GMFB: variants seen among roughly 807,000 people sequenced by gnomAD.
The protein encoded by GMFB is glia maturation factor beta.
Under a neutral mutation model 25.6 loss-of-function variants are expected in GMFB, and 13 were observed. That is an observed-to-expected ratio of 0.51 (90% CI 0.33 to 0.81). The LOEUF (loss-of-function observed/expected upper bound fraction) is 0.81, where lower values mean the gene tolerates loss of function less well. Ranked by LOEUF, GMFB falls within the 30% of genes least tolerant of loss-of-function variation. The pLI is 0.02. For missense variants in GMFB, 146 were observed against 175.4 expected (o/e 0.83, Z 0.95); for synonymous variants, 57 against 56.9 (o/e 1.00, Z 0.00).
rs1157260716 is a variant in GMFB at position 54,474,785 on chromosome 14, A to G, written c.*3303T>C. 6.6e-6 allele frequency: 1 copy of G among 152,624 alleles called. No homozygotes were observed. Among genetic ancestry groups the G allele is most frequent in the Non-Finnish European group, 1.5e-5 (1 of 68,012 alleles). 9.5% of individuals were successfully genotyped at this position (152,624 alleles called of 1,614,324 possible). A position where few individuals can be genotyped will look rare whatever the true frequency, so the allele number is the denominator to read the frequency against. On this transcript the variant is annotated 3_prime_UTR_variant, in exon 7 of 7. Coordinates refer to ENST00000358056, the MANE Select transcript of GMFB (RefSeq NM_004124.3). Reference sequence around the variant, plus strand: ...ATTATATTTATATGAATTATAATCCAAAAAGCAATAAAATACAATTTCTAT... The same window carrying G: ...ATTATATTTATATGAATTATAATCCGAAAAGCAATAAAATACAATTTCTAT...
Position 54,475,124 on chromosome 14 carries a change from C to T in GMFB, c.*2964G>A, listed in dbSNP as rs751084801. 1 of 152,564 alleles carries T rather than the reference C, an allele frequency of 6.6e-6. No homozygotes were observed. The highest frequency in any genetic ancestry group is 6.5e-5 in the Admixed American group (1 of 15,274). 9.5% of individuals were successfully genotyped at this position (152,564 alleles called of 1,614,324 possible). ...CTTCCACCAAATATCAGCATTTAAA[C>T]TCTTATGAAAATATCTATTCATCAC... On this transcript the variant is annotated 3_prime_UTR_variant, in exon 7 of 7. Coordinates refer to ENST00000358056, the MANE Select transcript of GMFB (RefSeq NM_004124.3).
chr14:54,476,797 G>C lies in GMFB; in HGVS notation c.*1291C>G, dbSNP rs1167886678. The C allele has an allele frequency of 6.6e-6, 1 of 151,976 alleles. No individual in the cohort carries two copies. The highest frequency in any genetic ancestry group is 1.5e-5 in the Non-Finnish European group (1 of 67,896). 9.4% of individuals were successfully genotyped at this position (151,976 alleles called of 1,614,324 possible). ...CTTAATATAAGAATACACTCACCAAGTTTGGTTAGTTTTTAGAGTCTCTAG... is the reference window on the plus strand; with the variant it reads ...CTTAATATAAGAATACACTCACCAACTTTGGTTAGTTTTTAGAGTCTCTAG... On this transcript the variant is annotated 3_prime_UTR_variant, in exon 7 of 7. Transcript: ENST00000358056.
chr14:54,480,040 G>A, intron 5 of GMFB, 181 bp from the exon 6 acceptor site: 1 of 485,578 alleles, frequency 2.1e-6, no homozygotes, highest in Non-Finnish European at 3.7e-6. Flanking sequence ...AGACAGTTAA[G>A]TTATAAATAA....
chr14:54,483,858 C>G, intron 1 of GMFB, 91 bp from the exon 2 acceptor site: 1 of 758,526 alleles, frequency 1.3e-6, no homozygotes, highest in African/African-American at 1.7e-5. Context: ...ATAATGCATA[C>G]TGACATTCAC....
intron 5 of GMFB, chr14:54,480,140 T>G (rs190172573): frequency 2.2e-4 from 63 of 291,614 alleles, no homozygotes; most frequent in African/African-American, 1.3e-3. Context: ...TTAAAAACTT[T>G]CTGCACTATC....
At chr14:54,482,253 T>C in intron 2 of GMFB, 51 bp from the exon 3 acceptor site, 1 of 1,166,574 alleles carries the variant, frequency 8.6e-7, no homozygotes, top group Non-Finnish European at 1.3e-6. Flanking sequence ...GTGACCCTGA[T>C]CTGCCCAACC....
chr14:54,484,055 T>C (rs1237418980), intron 1 of GMFB: 2 of 486,848 alleles, frequency 4.1e-6, no homozygotes, highest in African/African-American at 3.9e-5. Flanking sequence ...TGCAATGTCA[T>C]CAGAACTGGA....
rs556517199 is a variant in GMFB at position 54,474,626 on chromosome 14, G to A, written c.*3462C>T. ...GTGTCAGTTGTTGGTTTTGTTAAACGATGACAGAGAACTGTTAAAATTCAC... is the reference window on the plus strand; with the variant it reads ...GTGTCAGTTGTTGGTTTTGTTAAACAATGACAGAGAACTGTTAAAATTCAC... On this transcript the variant is annotated 3_prime_UTR_variant, in exon 7 of 7. Transcript: ENST00000358056. 1.3e-5 allele frequency: 2 copies of A among 152,740 alleles called. No homozygotes were observed. Among genetic ancestry groups the A allele is most frequent in the South Asian group, 2.1e-4 (1 of 4,826 alleles). The allele number at this position is 152,740 out of a possible 1,614,324, so 9.5% of individuals were successfully genotyped here. A position where few individuals can be genotyped will look rare whatever the true frequency, so the allele number is the denominator to read the frequency against.
At chr14:54,484,133 T>C (rs1269881774) in intron 1 of GMFB, 4 of 313,800 alleles carry the variant, frequency 1.3e-5, no homozygotes, top group African/African-American at 2.2e-5. Context: ...TCAAGCATAC[T>C]ATTTTTACAC....
At chr14:54,482,659 CATT>C (rs1487784951) in intron 2 of GMFB, among the ~76,000 whole-genome samples, 1 of 152,170 alleles carries the variant, frequency 6.6e-6, no homozygotes, top group Non-Finnish European at 1.5e-5. Context: ...GGCACGGTAT[CATT>C]ATTCTAAGAA....
intron 6 of GMFB, 81 bp downstream of exon 6, chr14:54,479,705 C>A: frequency 2.6e-6 from 2 of 779,010 alleles, no homozygotes; most frequent in Non-Finnish European, 4.4e-6. Flanking sequence ...ATAAAAAATA[C>A]TCCTTTAGAC....
intron 1 of GMFB, chr14:54,488,534 C>T: frequency 4.7e-6 from 1 of 211,062 alleles, no homozygotes. Context: ...TGGAACCTGG[C>T]CACGGCCCTG....
intron 1 of GMFB, among the ~76,000 whole-genome samples, chr14:54,485,472 G>C (rs1441955258): frequency 2.0e-5 from 3 of 152,058 alleles, no homozygotes; most frequent in Admixed American, 6.6e-5. Context: ...AGAAGTGACA[G>C]ATCTCTACAA....
chr14:54,484,634 A>G (rs2031759061), intron 1 of GMFB, among the ~76,000 whole-genome samples: 1 of 152,164 alleles, frequency 6.6e-6, no homozygotes, highest in African/African-American at 2.4e-5. Context: ...TTCTACTCAA[A>G]CTATTCAAAA....
At chr14:54,482,094 A>C (rs1173786661) in intron 3 of GMFB, 59 bp downstream of exon 3, 2 of 1,067,782 alleles carry the variant, frequency 1.9e-6, no homozygotes, top group Non-Finnish European at 2.9e-6. Context: ...CTAATATAGC[A>C]TCTTTTGAGA....
intron 1 of GMFB, 24 bp from the exon 2 acceptor site, chr14:54,483,791 TA>T: frequency 4.6e-6 from 6 of 1,296,958 alleles, no homozygotes; most frequent in Non-Finnish European, 4.5e-6. Context: ...AAAACACACA[TA>T]AAATGCCATG....
At chr14:54,486,297 T>C (rs1035148686) in intron 1 of GMFB, among the ~76,000 whole-genome samples, 1 of 152,002 alleles carries the variant, frequency 6.6e-6, no homozygotes, top group African/African-American at 2.4e-5. Flanking sequence ...ACTCTCAGCA[T>C]ATACAAAAAT....
chr14:54,478,158 A>T lies in GMFB; in HGVS notation c.359T>A (p.Val120Glu). ...GTCTTCGGTATTTCTTATTTCAAATACCTTTAAAAAAAAAAAAAACTTGGG... is the reference window on the plus strand; with the variant it reads ...GTCTTCGGTATTTCTTATTTCAAATTCCTTTAAAAAAAAAAAAAACTTGGG... ...KLVQTAELTK[V>E]FEIRNTEDLT... The change falls in exon 7 of 7, where the codon GTA (valine) becomes GAA (glutamate). Residue 120 changes from valine (V) to glutamate (E), a missense_variant and splice_region_variant. Coordinates refer to ENST00000358056, the MANE Select transcript of GMFB (RefSeq NM_004124.3). The T allele has an allele frequency of 7.9e-7, 1 of 1,261,148 alleles. No individual in the cohort carries two copies. Among genetic ancestry groups the T allele is most frequent in the East Asian group, 2.6e-5 (1 of 38,268 alleles). 78.1% of individuals were successfully genotyped at this position (1,261,148 alleles called of 1,614,324 possible). A position where few individuals can be genotyped will look rare whatever the true frequency, so the allele number is the denominator to read the frequency against.
intron 5 of GMFB, 28 bp downstream of exon 5, chr14:54,480,846 T>C: frequency 8.8e-7 from 1 of 1,134,506 alleles, no homozygotes; most frequent in African/African-American, 1.6e-5. Flanking sequence ...CTAAGCCAAA[T>C]ATGTGTTATT....
Sources: allele counts gnomAD v4.1 joint callset (sites outside exome capture counted in the v4.1 genomes callset), GRCh38; gene constraint gnomAD v4.1.1; transcripts MANE v1.5; gene names NCBI Gene and HGNC (gene_info 2026-07-23, HGNC 2026-07-21).